Variants in CTNNA3 observed in about 807,000 individuals in gnomAD.
The protein encoded by CTNNA3 is catenin alpha 3, also known as catenin alpha-3.
In CTNNA3, 76 loss-of-function variants were observed where a neutral mutation model predicts 95.7. That is an observed-to-expected ratio of 0.79 (90% CI 0.66 to 0.96). The LOEUF is 0.96. Ranked by LOEUF, CTNNA3 falls within the 40% of genes least tolerant of loss-of-function variation. The probability of loss-of-function intolerance (pLI) is 0.00; values close to 1 mark genes in which losing one functional copy is unlikely to be tolerated. For missense variants in CTNNA3, 1,191 were observed against 1,089.8 expected, an observed-to-expected ratio of 1.09 and a Z score of -1.31; for synonymous variants, 431 against 374.4, an observed-to-expected ratio of 1.15 and a Z score of -1.74.
chr10:65,979,942 G>T (rs1355553656), intron 16 of CTNNA3, among the ~76,000 whole-genome samples: 1 of 151,740 alleles, frequency 6.6e-6, no homozygotes, highest in Non-Finnish European at 1.5e-5. Context: ...CAACATTTCT[G>T]CCAGAGAAGA....
chr10:65,923,404 T>C (rs1296178151), intron 17 of CTNNA3, among the ~76,000 whole-genome samples: 1 of 152,240 alleles, frequency 6.6e-6, no homozygotes, highest in African/African-American at 2.4e-5. Flanking sequence ...TGATCTACTC[T>C]GAATGTCTCT....
At chr10:66,536,099 C>T (rs902837894) in intron 10 of CTNNA3, among the ~76,000 whole-genome samples, 2 of 150,554 alleles carry the variant, frequency 1.3e-5, no homozygotes, top group South Asian at 2.1e-4. Flanking sequence ...GTTGTTGAAA[C>T]AGGGTGATGG....
At chr10:65,979,710 G>C (rs564887134) in intron 16 of CTNNA3, among the ~76,000 whole-genome samples, 17 of 152,052 alleles carry the variant, frequency 1.1e-4, no homozygotes, top group Middle Eastern at 3.4e-3. Context: ...ATCACCCTAG[G>C]AGCATTTAAA....
intron 12 of CTNNA3, among the ~76,000 whole-genome samples, chr10:66,306,408 A>G (rs2091934972): frequency 6.6e-6 from 1 of 151,428 alleles, no homozygotes; most frequent in Non-Finnish European, 1.5e-5. Flanking sequence ...GCCAATATAG[A>G]AAGCCAAATG....
intron 11 of CTNNA3, among the ~76,000 whole-genome samples, chr10:66,502,614 T>G (rs540502134): frequency 6.6e-6 from 1 of 152,280 alleles, no homozygotes; most frequent in South Asian, 2.1e-4. Flanking sequence ...CCATAAAACT[T>G]GCTCATCCAC....
At chr10:67,068,489 A>G (rs1856229734) in intron 7 of CTNNA3, among the ~76,000 whole-genome samples, 1 of 152,208 alleles carries the variant, frequency 6.6e-6, no homozygotes, top group South Asian at 2.1e-4. Flanking sequence ...GAAACTTAAC[A>G]ACAGGTGAAT....
chr10:66,005,298 T>A (rs1564572044), intron 15 of CTNNA3, among the ~76,000 whole-genome samples: 1 of 152,132 alleles, frequency 6.6e-6, no homozygotes, highest in Non-Finnish European at 1.5e-5. Flanking sequence ...CCCTCAGGAG[T>A]CACTACCAAG....
rs567798736 is a variant in CTNNA3 at position 66,134,179 on chromosome 10, AT to A, written c.1885-30931del. On this transcript the variant is annotated intron_variant, in intron 13 of 17. Transcript: ENST00000433211. The stretch of plus-strand genomic sequence containing the variant: ...CTCATAAAAACCAAGAAAAAAGAAC[AT>A]TAAAGTGATCTTCATTTTAAATAAG... Among the ~76,000 whole-genome samples the A allele has an allele frequency of 8.8e-4, 134 of 152,286 alleles. 1 individual carries two copies. In the South Asian group the frequency reaches 0.018, roughly 21 times the overall value.
chr10:67,559,914 A>C (rs1247030518), intron 3 of CTNNA3, among the ~76,000 whole-genome samples: 1 of 152,194 alleles, frequency 6.6e-6, no homozygotes. Flanking sequence ...GAATGAAATG[A>C]AGCGAGAAGG....
At chr10:66,718,693 A>C (rs1307345733) in intron 9 of CTNNA3, among the ~76,000 whole-genome samples, 2 of 151,186 alleles carry the variant, frequency 1.3e-5, no homozygotes, top group Non-Finnish European at 2.9e-5. Flanking sequence ...AGAGAATGTA[A>C]GCTTTGTGAG....
intron 12 of CTNNA3, among the ~76,000 whole-genome samples, chr10:66,328,857 T>C (rs1473993570): frequency 5.0e-5 from 7 of 139,290 alleles, no homozygotes; most frequent in Non-Finnish European, 9.3e-5. Flanking sequence ...GCTCAAGCAG[T>C]GAAGCAGGAA....
intron 7 of CTNNA3, among the ~76,000 whole-genome samples, chr10:66,919,329 T>A (rs1302175512): frequency 2.6e-5 from 4 of 152,090 alleles, no homozygotes; most frequent in Admixed American, 2.6e-4. Flanking sequence ...CCTTTCCTAC[T>A]GAAAGGAAGA....
intron 14 of CTNNA3, among the ~76,000 whole-genome samples, chr10:66,101,919 T>C (rs1399231162): frequency 6.6e-6 from 1 of 152,156 alleles, no homozygotes; most frequent in Non-Finnish European, 1.5e-5. Flanking sequence ...CTTCTTCAAA[T>C]CAGTTTCCAC....
intron 7 of CTNNA3, among the ~76,000 whole-genome samples, chr10:67,121,981 C>CAAAAAAA (rs370358378): frequency 4.2e-5 from 2 of 47,136 alleles, no homozygotes; most frequent in African/African-American, 6.8e-5. Flanking sequence ...TTATTCTGAG[C>CAAAAAAA]AAAAAAAAAA....
At chr10:66,340,942 G>A (rs2092448150) in intron 12 of CTNNA3, among the ~76,000 whole-genome samples, 1 of 151,782 alleles carries the variant, frequency 6.6e-6, no homozygotes, top group South Asian at 2.1e-4. Context: ...ATTTTTAATG[G>A]AATTTTAGAA....
intron 13 of CTNNA3, among the ~76,000 whole-genome samples, chr10:66,104,359 C>T (rs1275016982): frequency 2.0e-5 from 3 of 152,154 alleles, no homozygotes; most frequent in African/African-American, 7.2e-5. Flanking sequence ...GACATGTCTT[C>T]CTTGTCATTT....
chr10:65,965,912 T>A (rs1467674138), intron 17 of CTNNA3, among the ~76,000 whole-genome samples: 1 of 152,170 alleles, frequency 6.6e-6, no homozygotes, highest in Non-Finnish European at 1.5e-5. Context: ...ATTTATAATC[T>A]TAGTCCATGT....
At chr10:65,975,765 T>C (rs1420785303) in intron 16 of CTNNA3, among the ~76,000 whole-genome samples, 1 of 152,094 alleles carries the variant, frequency 6.6e-6, no homozygotes, top group African/African-American at 2.4e-5. Context: ...TCAGAGAGAG[T>C]AAATGATTTG....
chr10:66,044,541 T>C (rs538310759), intron 15 of CTNNA3, among the ~76,000 whole-genome samples: 2 of 152,256 alleles, frequency 1.3e-5, no homozygotes, highest in South Asian at 4.1e-4. Flanking sequence ...CTTCTAATAT[T>C]ATCCCGCCAT....
Sources: gnomAD v4.1 joint callset for allele counts (sites outside exome capture counted in the v4.1 genomes callset) on GRCh38, gnomAD v4.1.1 for gene constraint, MANE v1.5 for transcripts, NCBI Gene and HGNC (gene_info 2026-07-23, HGNC 2026-07-21) for gene names.